Variants in TSHZ3 observed in about 807,000 individuals in gnomAD.
TSHZ3 encodes teashirt homolog 3.
In TSHZ3, 10 loss-of-function variants were observed where a neutral mutation model predicts 64.5. That is an observed-to-expected ratio of 0.16 (90% confidence interval 0.10 to 0.26). The LOEUF (loss-of-function observed/expected upper bound fraction) is 0.26. TSHZ3 is among the 10% of genes least tolerant of loss of function. The pLI is 1.00. For synonymous variants in TSHZ3, 608 were observed against 593.1 expected (o/e 1.03, Z -0.36); for missense variants, 1,242 against 1,421.7 (o/e 0.87, Z 2.03).
At chr19:31,231,789 G>A (rs1419705329) in intron 3 of TSHZ3, among the ~76,000 whole-genome samples, 2 of 152,160 alleles carry the variant, frequency 1.3e-5, no homozygotes, top group Non-Finnish European at 2.9e-5. Flanking sequence ...CACAAGTCGT[G>A]CCTAGGAATT....
intron 5 of TSHZ3, among the ~76,000 whole-genome samples, chr19:31,194,845 G>A (rs1022599830): frequency 8.5e-5 from 13 of 152,174 alleles, no homozygotes; most frequent in African/African-American, 3.1e-4. Context: ...TGGACACCAT[G>A]CAAGAACAGA....
chr19:31,285,976 G>A (rs1473294752), intron 1 of TSHZ3, among the ~76,000 whole-genome samples: 1 of 152,046 alleles, frequency 6.6e-6, no homozygotes, highest in Non-Finnish European at 1.5e-5. Context: ...CAGCTGCAAA[G>A]ATGCAAAGAA....
chr19:31,272,986 A>G (rs985694721), downstream of TSHZ3, among the ~76,000 whole-genome samples: 1 of 152,146 alleles, frequency 6.6e-6, no homozygotes, highest in Non-Finnish European at 1.5e-5. Context: ...ACCGCAGAAC[A>G]TGAGCACTAC....
Position 31,276,693 on chromosome 19 carries a change from C to T in TSHZ3, c.3100G>A (p.Glu1034Lys), listed in dbSNP as rs753652616. 1.6e-5 allele frequency: 26 copies of T among 1,613,616 alleles called. No individual in the cohort carries two copies. The highest frequency in any genetic ancestry group is 3.3e-5 in the South Asian group (3 of 91,054). The part of the protein sequence containing the change: ...PSEKMVTSSP[E>K]EDLGTSYQCK... The stretch of plus-strand genomic sequence containing the variant: ...TGATAGGAAGTCCCCAGGTCTTCCT[C>T]GGGGGAGGACGTCACCATTTTTTCT... Residue 1034 changes from glutamate (E) to lysine (K), a missense_variant, in exon 2 of 2, where the codon GAG becomes AAG. Around this residue, in one of 4 missense-constraint regions of TSHZ3, gnomAD observed 126 missense variants for 140.6 expected, o/e 0.90. Transcript: ENST00000240587.
intron 1 of TSHZ3, among the ~76,000 whole-genome samples, chr19:31,343,713 T>C (rs547766503): frequency 1.3e-5 from 2 of 152,074 alleles, no homozygotes; most frequent in African/African-American, 4.8e-5. Context: ...CGTAAATTTC[T>C]ACAAATGGTG....
At chr19:31,180,546 G>A (rs1974696676) in intron 5 of TSHZ3, among the ~76,000 whole-genome samples, 1 of 152,194 alleles carries the variant, frequency 6.6e-6, no homozygotes, top group Non-Finnish European at 1.5e-5. Flanking sequence ...TGCTGCACAT[G>A]GAAACTCACA....
intron 1 of TSHZ3, among the ~76,000 whole-genome samples, chr19:31,264,714 T>TC (rs951060049): frequency 1.6e-4 from 25 of 151,874 alleles, no homozygotes; most frequent in African/African-American, 5.6e-4. Context: ...GTTTTTCTTT[T>TC]TTTTTTTTTT....
chr19:31,330,704 T>TCG (rs1917059824), intron 1 of TSHZ3, among the ~76,000 whole-genome samples: 2 of 72,298 alleles, frequency 2.8e-5, no homozygotes, highest in Non-Finnish European at 5.9e-5. Context: ...TGTTTAATCC[T>TCG]TGGGCGGGGG....
intron 1 of TSHZ3, among the ~76,000 whole-genome samples, chr19:31,303,263 GC>G (rs1976783494): frequency 6.6e-6 from 1 of 152,216 alleles, no homozygotes; most frequent in African/African-American, 2.4e-5. Flanking sequence ...TGGTGGAGCT[GC>G]TGACCCGCAG....
At chr19:31,297,991 G>C (rs10417181) in intron 1 of TSHZ3, among the ~76,000 whole-genome samples, 22,594 of 152,188 alleles carry the variant, frequency 0.15, 1,874 homozygotes, top group East Asian at 0.35. Context: ...CATTTCCTGA[G>C]AAAGGGTCAG....
chr19:31,211,227 T>C (rs1020003757), intron 4 of TSHZ3, among the ~76,000 whole-genome samples: 4 of 152,180 alleles, frequency 2.6e-5, no homozygotes, highest in Non-Finnish European at 5.9e-5. Flanking sequence ...CAACTCCTGC[T>C]CATGGTTTCC....
chr19:31,232,928 C>T (rs1294129812), intron 3 of TSHZ3, among the ~76,000 whole-genome samples: 1 of 152,134 alleles, frequency 6.6e-6, no homozygotes, highest in African/African-American at 2.4e-5. Context: ...AGTAGTATTC[C>T]GTGGTCTAAA....
chr19:31,264,217 G>C (rs1198052031), intron 1 of TSHZ3, among the ~76,000 whole-genome samples: 1 of 152,176 alleles, frequency 6.6e-6, no homozygotes, highest in Non-Finnish European at 1.5e-5. Flanking sequence ...CCTGTGCACA[G>C]GGAAGCCACC....
chr19:31,279,184 G>C lies in TSHZ3; in HGVS notation c.609C>G (p.Leu203=), dbSNP rs573679275. ...TVQLYRQSSK[L]YGSIFTGASK... ...TGGCCCCCGTGAAGATGGAGCCATA[G>C]AGCTTGCTGCTCTGCCGGTACAGCT... Residue 203 remains leucine (L), a synonymous_variant, in exon 2 of 2, where the codon CTC becomes CTG. Coordinates refer to ENST00000240587, the MANE Select transcript of TSHZ3 (RefSeq NM_020856.4). The surrounding 1 kb of genome is among the most constrained non-coding windows in gnomAD (Gnocchi z 6.4). The C allele has an allele frequency of 1.2e-6, 2 of 1,613,850 alleles. No individual in the cohort carries two copies. Among genetic ancestry groups the C allele is most frequent in the African/African-American group, 2.7e-5 (2 of 75,052 alleles).
At chr19:31,290,675 A>T (rs1568370830) in intron 1 of TSHZ3, among the ~76,000 whole-genome samples, 1 of 152,066 alleles carries the variant, frequency 6.6e-6, no homozygotes. Flanking sequence ...AGAAAATGGC[A>T]TTCTTGGATG....
intron 1 of TSHZ3, among the ~76,000 whole-genome samples, chr19:31,258,856 C>CAGTG (rs1340941755): frequency 6.6e-6 from 1 of 152,180 alleles, no homozygotes; most frequent in African/African-American, 2.4e-5. Flanking sequence ...AGCTGCTGTT[C>CAGTG]AGTGGCCCAT....
At chr19:31,223,689 C>G (rs1281775577) in intron 4 of TSHZ3, among the ~76,000 whole-genome samples, 1 of 152,124 alleles carries the variant, frequency 6.6e-6, no homozygotes, top group African/African-American at 2.4e-5. Flanking sequence ...GGCCAAGGAC[C>G]TCACACAGAA....
intron 1 of TSHZ3, chr19:31,305,610 A>G (rs187408931): frequency 6.6e-6 from 1 of 152,236 alleles, no homozygotes; most frequent in Admixed American, 6.5e-5. Context: ...CCCCTTATGG[A>G]GTTTGTGGAT....
intron 1 of TSHZ3, among the ~76,000 whole-genome samples, chr19:31,296,783 T>A (rs1311670928): frequency 6.6e-6 from 1 of 151,932 alleles, no homozygotes; most frequent in Admixed American, 6.5e-5. Context: ...TGCCTGGGAG[T>A]CAGTGGAGAG....
Sources: gnomAD v4.1 joint callset for allele counts (sites outside exome capture counted in the v4.1 genomes callset) on GRCh38, gnomAD v4.1.1 for gene constraint, gnomAD v4.1.1 regional missense constraint, Gnocchi (gnomAD v3.1) non-coding constraint, MANE v1.5 for transcripts, NCBI Gene and HGNC (gene_info 2026-07-23, HGNC 2026-07-21) for gene names.